HSPA9: variants seen among roughly 807,000 people sequenced by gnomAD.
HSPA9 encodes heat shock protein family A (Hsp70) member 9.
In HSPA9, 28 loss-of-function variants were observed where a neutral mutation model predicts 81.5. That is an observed-to-expected ratio of 0.34 (90% confidence interval 0.25 to 0.47). The LOEUF is 0.47. Ranked by LOEUF, HSPA9 falls within the 20% of genes least tolerant of loss-of-function variation. The pLI is 1.00. For missense variants in HSPA9, 678 were observed against 838.0 expected (o/e 0.81, Z 2.36); for synonymous variants, 293 against 290.4 (o/e 1.01, Z -0.09).
At position 138,574,078 on chromosome 5, in the gene HSPA9, G is replaced by A. The variant is rs771007168; in HGVS notation, c.130C>T (p.Arg44Trp). The change falls in exon 2 of 17, where the codon CGG becomes TGG. Residue 44 changes from arginine to tryptophan, a missense_variant. Transcript: ENST00000297185. ...SHEAFRLVSR[R>W]DYASEAIKGA... ...TGATATTATACTTACGCATAATCCC[G>A]CCTTGAAACAAGTCTAAAAGCCTCA... 9.3e-6 allele frequency: 15 copies of A among 1,612,858 alleles called. No individual in the cohort carries two copies. The highest frequency in any genetic ancestry group is 3.3e-5 in the Admixed American group (2 of 59,978).
At chr5:138,557,228 T>G in intron 14 of HSPA9, 174 bp downstream of exon 14, 2 of 653,640 alleles carry the variant, frequency 3.1e-6, no homozygotes, top group Non-Finnish European at 5.6e-6. Flanking sequence ...GCCTCCCAAG[T>G]AGCTGGGACT....
chr5:138,574,636 C>G (rs1751043285), intron 1 of HSPA9: 2 of 169,358 alleles, frequency 1.2e-5, no homozygotes, highest in Admixed American at 1.2e-4. Flanking sequence ...CCAAGCCTTC[C>G]TTAATGCCCA....
intron 3 of HSPA9, among the ~76,000 whole-genome samples, chr5:138,572,372 A>C (rs1454126271): frequency 6.6e-6 from 1 of 152,184 alleles, no homozygotes; most frequent in Non-Finnish European, 1.5e-5. Flanking sequence ...CTAATTTACT[A>C]TTAAGAGGGG....
rs760535812 is a variant in HSPA9 at position 138,556,592 on chromosome 5, A to G, written c.1822T>C (p.Cys608Arg). The change falls in exon 16 of 17, where the codon TGC becomes CGC. Residue 608 changes from cysteine (C) to arginine (R), a missense_variant and splice_region_variant. By Grantham distance (180) the Cys-to-Arg change is radical. Around this residue, in one of 4 missense-constraint regions of HSPA9, gnomAD observed 100 missense variants for 99.5 expected, o/e 1.00. Coordinates refer to ENST00000297185, the MANE Select transcript of HSPA9 (RefSeq NM_004134.7). Reference sequence around the variant, plus strand: ...GAAATCTCTTCTTTCAGCTTGTTGCACTTAAAAAAAGAAAACAAAAATCCT... The same window carrying G: ...GAAATCTCTTCTTTCAGCTTGTTGCGCTTAAAAAAAGAAAACAAAAATCCT... Reference protein sequence around the residue: ...EFKDQLPADECNKLKEEISKM... With the variant: ...EFKDQLPADERNKLKEEISKM... 5 of 1,613,836 alleles carry G rather than the reference A, an allele frequency of 3.1e-6. No individual in the cohort carries two copies. Among genetic ancestry groups the G allele is most frequent in the Non-Finnish European group, 4.2e-6 (5 of 1,179,998 alleles).
chr5:138,565,208 C>G (rs941813264), intron 9 of HSPA9, among the ~76,000 whole-genome samples: 2 of 152,182 alleles, frequency 1.3e-5, no homozygotes, highest in African/African-American at 4.8e-5. Flanking sequence ...ATCCCCTACC[C>G]CAAATGTCAA....
intron 1 of HSPA9, 181 bp downstream of exon 1, chr5:138,575,057 G>A (rs1751057260): frequency 1.6e-6 from 1 of 614,774 alleles, no homozygotes; most frequent in South Asian, 2.0e-5. Context: ...CCAAGCCGGA[G>A]GCAAAACCTT....
Position 138,569,024 on chromosome 5 carries a change from G to A in HSPA9, c.436C>T (p.Arg146Cys), listed in dbSNP as rs775043445. The A allele has an allele frequency of 6.2e-6, 10 of 1,613,504 alleles. No individual in the cohort carries two copies. The highest frequency in any genetic ancestry group is 1.6e-4 in the Middle Eastern group (1 of 6,084). ...ACCCAGGCATCACCATTGGAGGCACGGACAATTTTAAAGGGAACATTTTTA... is the reference window on the plus strand; with the variant it reads ...ACCCAGGCATCACCATTGGAGGCACAGACAATTTTAAAGGGAACATTTTTA... ...DIKNVPFKIV[R>C]ASNGDAWVEA... is the part of the protein sequence containing the mutation. Residue 146 changes from arginine (R) to cysteine (C), a missense_variant, in exon 5 of 17, where the codon CGT becomes TGT. Arg to Cys is a radical substitution (Grantham distance 180). Transcript: ENST00000297185.
chr5:138,558,533 C>G lies in HSPA9; in HGVS notation c.1515+20G>C, dbSNP rs941908788. 2 of 1,421,578 alleles carry G rather than the reference C, an allele frequency of 1.4e-6. No individual in the cohort carries two copies. The highest frequency in any genetic ancestry group is 2.8e-5 in the African/African-American group (2 of 71,076). The allele number at this position is 1,421,578 out of a possible 1,614,324, so 88.1% of individuals were successfully genotyped here. On this transcript the variant is annotated intron_variant, in intron 12 of 16. Coordinates refer to ENST00000297185, the MANE Select transcript of HSPA9 (RefSeq NM_004134.7). ...TTTACAGTGAAGGAGGCATAGTATT[C>G]AGGATTCACAATAACCTACCAAAGT...
rs1183043039 is a variant in HSPA9 at position 138,557,953 on chromosome 5, G to C, written c.1549C>G (p.Gln517Glu). Residue 517 changes from glutamine (Q) to glutamate (E), a missense_variant, in exon 13 of 17, where the codon CAG becomes GAG. Transcript: ENST00000297185. ...GIPPAPRGVP[Q>E]IEVTFDIDAN... The stretch of plus-strand genomic sequence containing the variant: ...TCAATGTCAAATGTAACTTCAATCT[G>C]AGGAACTCCACGAGGGGCTGGTGGA... 6.2e-7 allele frequency: 1 copy of C among 1,611,660 alleles called. No individual in the cohort carries two copies. The highest frequency in any genetic ancestry group is 1.3e-5 in the African/African-American group (1 of 74,830).
In HSPA9 at chr5:138,567,175, T is replaced by G; in HGVS notation, c.717-12A>C. The G allele has an allele frequency of 6.4e-7, 1 of 1,556,420 alleles. No homozygotes were observed. The highest frequency in any genetic ancestry group is 8.6e-7 in the Non-Finnish European group (1 of 1,161,978). ...CATATACAGCAATGCTGTAAATGAT[T>G]TGTGAAAAAAAAAAGAAAAGAAATC... On this transcript the variant is annotated splice_polypyrimidine_tract_variant and intron_variant, in intron 7 of 16. Coordinates refer to ENST00000297185, the MANE Select transcript of HSPA9 (RefSeq NM_004134.7).
rs751549410 is a variant in HSPA9, at chr5:138,561,787, A to C, written c.975T>G (p.Thr325=). 6.2e-7 allele frequency: 1 copy of C among 1,611,828 alleles called. No homozygotes were observed. Among genetic ancestry groups the C allele is most frequent in the Non-Finnish European group, 8.5e-7 (1 of 1,177,818 alleles). Residue 325 remains threonine, a splice_region_variant and synonymous_variant, in exon 10 of 17, where the codon ACT becomes ACG. Coordinates refer to ENST00000297185, the MANE Select transcript of HSPA9 (RefSeq NM_004134.7). The part of the protein sequence containing the change: ...AKCELSSSVQ[T]DINLPYLTMD... The stretch of plus-strand genomic sequence containing the variant: ...TTGTAAGATAGGGCAAATTGATGTC[A>C]GTCTGCAAAGGAAATGTTTAATTGC...
intron 5 of HSPA9, 121 bp downstream of exon 5, chr5:138,568,804 T>C: frequency 1.9e-6 from 2 of 1,028,186 alleles, no homozygotes; most frequent in South Asian, 1.3e-5. Context: ...TTGCCATTCC[T>C]AGTTTTTCTA....
chr5:138,570,267 G>A (rs949979590), intron 4 of HSPA9, among the ~76,000 whole-genome samples: 5 of 152,088 alleles, frequency 3.3e-5, no homozygotes, highest in African/African-American at 1.2e-4. Flanking sequence ...TTGAGTCCAG[G>A]AGTTCAACAC....
intron 4 of HSPA9, among the ~76,000 whole-genome samples, chr5:138,569,962 C>T (rs1026740464): frequency 2.6e-5 from 4 of 151,126 alleles, no homozygotes; most frequent in Non-Finnish European, 4.4e-5. Context: ...GGCATGATCT[C>T]AGCTCACTGG....
rs373829452 is a variant in HSPA9 at position 138,568,511 on chromosome 5, AAAC to A, written c.535+411_535+413del. Among the ~76,000 whole-genome samples the A allele has an allele frequency of 4.0e-4, 61 of 152,278 alleles. No homozygotes were observed. In the South Asian group the frequency reaches 9.8e-3, roughly 24 times the overall value. ...AACAAGAGTGAAACTCTGTCTCAAA[AAAC>A]AACAACAAAAAAACCCCAAAAAACA... On this transcript the variant is annotated intron_variant, in intron 5 of 16. Transcript: ENST00000297185.
chr5:138,574,533 TAG>T (rs1751039848), intron 1 of HSPA9, among the ~76,000 whole-genome samples: 2 of 152,194 alleles, frequency 1.3e-5, no homozygotes, highest in South Asian at 4.1e-4. Context: ...TTAAAAGAAC[TAG>T]AGTTACTAAG....
rs916042841 is a variant in HSPA9, at chr5:138,567,306, A to G, written c.717-143T>C. On this transcript the variant is annotated intron_variant, in intron 7 of 16. Coordinates refer to ENST00000297185, the MANE Select transcript of HSPA9 (RefSeq NM_004134.7). ...ACTAGTTAAATTACCATGGCCCAAAAGAAAAGAAAAGAATGGTTTTGAAAT... is the reference window on the plus strand; with the variant it reads ...ACTAGTTAAATTACCATGGCCCAAAGGAAAAGAAAAGAATGGTTTTGAAAT... 5.2e-6 allele frequency: 5 copies of G among 964,642 alleles called. No individual in the cohort carries two copies. The African/African-American group carries it at 6.6e-5, about 13-fold the overall frequency. 59.8% of individuals were successfully genotyped at this position (964,642 alleles called of 1,614,324 possible).
At chr5:138,557,571 G>T in intron 13 of HSPA9, 75 bp from the exon 14 acceptor site, 1 of 896,958 alleles carries the variant, frequency 1.1e-6, no homozygotes, top group Non-Finnish European at 1.8e-6. Context: ...TGCATTAAGA[G>T]TACTCCTGCT....
At chr5:138,569,746 A>T (rs1476320289) in intron 4 of HSPA9, among the ~76,000 whole-genome samples, 1 of 152,142 alleles carries the variant, frequency 6.6e-6, no homozygotes. Context: ...AGACACACAC[A>T]GTCTTGCCTT....
Sources: allele counts gnomAD v4.1 joint callset (sites outside exome capture counted in the v4.1 genomes callset), GRCh38; gene constraint gnomAD v4.1.1; regional missense constraint gnomAD v4.1.1; transcripts MANE v1.5; gene names NCBI Gene and HGNC (gene_info 2026-07-23, HGNC 2026-07-21).